ATXN7L1: variants seen among roughly 807,000 people sequenced by gnomAD.
ATXN7L1 encodes the protein ataxin 7 like 1, also known as ataxin-7-like protein 1.
In ATXN7L1, 15 loss-of-function variants were observed where a neutral mutation model predicts 70.8. The ratio of observed to expected loss-of-function variants is 0.21; its 90% CI spans 0.14 to 0.33. ATXN7L1 has a LOEUF of 0.33. ATXN7L1 is among the 10% of genes least tolerant of loss of function. The probability of loss-of-function intolerance (pLI) is 1.00; values close to 1 mark genes in which losing one functional copy is unlikely to be tolerated. For synonymous variants in ATXN7L1, 440 were observed against 445.1 expected (o/e 0.99, Z 0.14); for missense variants, 975 against 1,097.1 (o/e 0.89, Z 1.57).
At chr7:105,656,317 G>A (rs1011175521) in intron 4 of ATXN7L1, among the ~76,000 whole-genome samples, 3 of 152,222 alleles carry the variant, frequency 2.0e-5, no homozygotes, top group African/African-American at 7.2e-5. Flanking sequence ...TGTGGGGACC[G>A]AGTCTTCTTG....
rs1793660238 is a variant in ATXN7L1 at position 105,614,998 on chromosome 7, T to C, written c.1518-182A>G. Among the ~76,000 whole-genome samples the C allele has an allele frequency of 6.6e-6, 1 of 152,008 alleles. No homozygotes were observed. The highest frequency in any genetic ancestry group is 6.6e-5 in the Admixed American group (1 of 15,256). On this transcript the variant is annotated intron_variant, in intron 9 of 11. Transcript: ENST00000419735. The surrounding 1 kb of genome is among the most constrained non-coding windows in gnomAD (Gnocchi z 4.3). ...TGGCCCCTCCTTATGGCACCCCCCA[T>C]TGCAACATCCAGCAACCTAATTTTC...
chr7:105,869,049 C>T (rs1044762247), intron 2 of ATXN7L1, among the ~76,000 whole-genome samples: 4 of 152,182 alleles, frequency 2.6e-5, no homozygotes, highest in African/African-American at 9.7e-5. Flanking sequence ...CCTTTCTCAT[C>T]TGTGTTGTGT....
At position 105,614,746 on chromosome 7, in the gene ATXN7L1, A is replaced by G. The variant is rs886720979; in HGVS notation, c.1588T>C (p.Ser530Pro). ...GGGTTGCTGAAAGGCTGCAAAACGG[A>G]TGCTGGAACGGGGGTGGTGATGTGG... is the stretch of plus-strand genomic sequence containing the variant. ...AAHITTPVPASVLQPFSNPSA... is the reference protein window; with the variant it reads ...AAHITTPVPAPVLQPFSNPSA... The change falls in exon 10 of 12, where the codon TCC becomes CCC. Residue 530 changes from serine to proline, a missense_variant. Physicochemically the swap from Ser to Pro is moderately conservative, Grantham distance 74 (BLOSUM62 -1). Around this residue, in one of 5 missense-constraint regions of ATXN7L1, gnomAD observed 635 missense variants for 699.4 expected, o/e 0.91. Coordinates refer to ENST00000419735, the MANE Select transcript of ATXN7L1 (RefSeq NM_020725.2). This position sits in a 1 kb window ranked among gnomAD's most constrained non-coding sequence, Gnocchi z 4.3. 1 of 1,551,732 alleles carries G rather than the reference A, an allele frequency of 6.4e-7. No individual in the cohort carries two copies. Among genetic ancestry groups the G allele is most frequent in the Non-Finnish European group, 8.7e-7 (1 of 1,146,996 alleles).
intron 3 of ATXN7L1, among the ~76,000 whole-genome samples, chr7:105,786,575 C>T (rs975498889): frequency 2.0e-5 from 3 of 152,150 alleles, no homozygotes; most frequent in African/African-American, 7.2e-5. Flanking sequence ...GAATGGAGTA[C>T]AATGGCACAA....
At chr7:105,793,247 A>G (rs1805514990) in intron 2 of ATXN7L1, among the ~76,000 whole-genome samples, 1 of 152,096 alleles carries the variant, frequency 6.6e-6, no homozygotes. Flanking sequence ...TGAGGTTGGG[A>G]GCAGAGGGCT....
At chr7:105,785,881 C>G (rs768611902) in intron 3 of ATXN7L1, among the ~76,000 whole-genome samples, 11 of 152,222 alleles carry the variant, frequency 7.2e-5, no homozygotes, top group Non-Finnish European at 1.2e-4. Context: ...CTCAGACTTC[C>G]ACCCTCCAGA....
Position 105,610,517 on chromosome 7 carries a change from T to G in ATXN7L1, c.2547+12A>C. On this transcript the variant is annotated intron_variant, in intron 11 of 11. Transcript: ENST00000419735. ...ATGAATTTTTGCCCCACCCCCACCC[T>G]CAGTAACTTACCTGTCGGCTGTGTC... 8 of 1,193,934 alleles carry G rather than the reference T, an allele frequency of 6.7e-6. No individual in the cohort carries two copies. Among genetic ancestry groups the G allele is most frequent in the Non-Finnish European group, 8.2e-6 (7 of 850,314 alleles). The allele number at this position is 1,193,934 out of a possible 1,614,324, so 74.0% of individuals were successfully genotyped here.
intron 2 of ATXN7L1, among the ~76,000 whole-genome samples, chr7:105,810,511 G>C (rs1232373777): frequency 2.0e-5 from 3 of 152,236 alleles, no homozygotes; most frequent in African/African-American, 7.2e-5. Context: ...ATTGTAAAAA[G>C]GGTGCCACTG....
intron 7 of ATXN7L1, among the ~76,000 whole-genome samples, chr7:105,630,265 CTCTT>C (rs1414355707): frequency 6.6e-6 from 1 of 152,160 alleles, no homozygotes; most frequent in African/African-American, 2.4e-5. Flanking sequence ...TCTCTCTTCT[CTCTT>C]CCAAAATCTT....
At chr7:105,790,125 G>A (rs1296620494) in intron 2 of ATXN7L1, among the ~76,000 whole-genome samples, 1 of 152,202 alleles carries the variant, frequency 6.6e-6, no homozygotes, top group African/African-American at 2.4e-5. Context: ...CAAAAAGGAG[G>A]TAAGTGCTTG....
chr7:105,688,548 T>TA (rs541097240), intron 3 of ATXN7L1, among the ~76,000 whole-genome samples: 19,861 of 143,336 alleles, frequency 0.14, 1,433 homozygotes, highest in Middle Eastern at 0.28. Context: ...CTGTGTCAAT[T>TA]AAAAAAAAAA....
chr7:105,640,502 T>C (rs946123996), intron 5 of ATXN7L1, among the ~76,000 whole-genome samples: 20 of 152,204 alleles, frequency 1.3e-4, no homozygotes, highest in African/African-American at 4.8e-4. Flanking sequence ...TGTCCTCACC[T>C]TAAAAATGAG....
chr7:105,726,184 G>C (rs1442120772), intron 3 of ATXN7L1, among the ~76,000 whole-genome samples: 1 of 152,194 alleles, frequency 6.6e-6, no homozygotes, highest in Non-Finnish European at 1.5e-5. Context: ...TTACAGGTGT[G>C]AACCACTGCG....
At chr7:105,857,233 C>T (rs891952761) in intron 2 of ATXN7L1, among the ~76,000 whole-genome samples, 1 of 152,174 alleles carries the variant, frequency 6.6e-6, no homozygotes, top group African/African-American at 2.4e-5. Context: ...TTTACTGTGG[C>T]CCATGTAAAA....
At chr7:105,680,547 GA>G (rs1805399132) in intron 3 of ATXN7L1, among the ~76,000 whole-genome samples, 1 of 152,178 alleles carries the variant, frequency 6.6e-6, no homozygotes. Flanking sequence ...GGGGGGTGTT[GA>G]GGGGGTATAA....
At chr7:105,789,856 A>G (rs530411353) in intron 2 of ATXN7L1, among the ~76,000 whole-genome samples, 184 of 152,298 alleles carry the variant, frequency 1.2e-3, no homozygotes, top group Admixed American at 4.2e-3. Flanking sequence ...ATGAACACAT[A>G]TGTACATGGA....
intron 4 of ATXN7L1, among the ~76,000 whole-genome samples, chr7:105,659,969 C>T (rs1387037822): frequency 6.6e-6 from 1 of 152,068 alleles, no homozygotes; most frequent in Non-Finnish European, 1.5e-5. Context: ...CCTTTCCCTC[C>T]CTCAACTCTG....
intron 3 of ATXN7L1, among the ~76,000 whole-genome samples, chr7:105,682,156 C>T (rs746412828): frequency 3.3e-5 from 5 of 151,892 alleles, no homozygotes; most frequent in African/African-American, 4.8e-5. Flanking sequence ...ACCCAGGAGG[C>T]GGAGGTTGCA....
chr7:105,710,448 C>G (rs1450722575), intron 3 of ATXN7L1, among the ~76,000 whole-genome samples: 1 of 135,704 alleles, frequency 7.4e-6, no homozygotes, highest in Non-Finnish European at 1.5e-5. Context: ...CACTCTGTCA[C>G]TCAGGCTGCA....
Sources: gnomAD v4.1 joint callset for allele counts (sites outside exome capture counted in the v4.1 genomes callset) on GRCh38, gnomAD v4.1.1 for gene constraint, gnomAD v4.1.1 regional missense constraint, Gnocchi (gnomAD v3.1) non-coding constraint, MANE v1.5 for transcripts, NCBI Gene and HGNC (gene_info 2026-07-23, HGNC 2026-07-21) for gene names.